The following PPP1R16B variants were observed in gnomAD, a reference collection of about 807,000 sequenced individuals.
PPP1R16B encodes the protein protein phosphatase 1 regulatory inhibitor subunit 16B.
A neutral mutation model predicts 61.7 loss-of-function variants in PPP1R16B; 14 were observed. The ratio of observed to expected loss-of-function variants is 0.23; its 90% confidence interval spans 0.15 to 0.35. The LOEUF (loss-of-function observed/expected upper bound fraction) is 0.35, where lower values mean the gene tolerates loss of function less well. PPP1R16B is among the 10% of genes least tolerant of loss of function. The probability of loss-of-function intolerance (pLI) is 1.00; values close to 1 mark genes in which losing one functional copy is unlikely to be tolerated. For missense variants in PPP1R16B, 547 were observed against 752.5 expected (o/e 0.73, Z 3.19); for synonymous variants, 266 against 305.3 (o/e 0.87, Z 1.34).
In PPP1R16B at chr20:38,907,564, G is replaced by C. The variant is rs2085454460; in HGVS notation, c.899-242G>C. ...ATCAAAGAGCAACATGAATCCCTCGGTCATAGCTGGGAAGCTTAGGAATTG... is the reference window on the plus strand; with the variant it reads ...ATCAAAGAGCAACATGAATCCCTCGCTCATAGCTGGGAAGCTTAGGAATTG... On this transcript the variant is annotated intron_variant, in intron 8 of 10. Coordinates refer to ENST00000299824, the MANE Select transcript of PPP1R16B (RefSeq NM_015568.4). The surrounding 1 kb of genome is among the most constrained non-coding windows in gnomAD (Gnocchi z 4.5). 6.6e-6 allele frequency among the ~76,000 whole-genome samples: 1 copy of C among 152,148 alleles called. No homozygotes were observed. Among genetic ancestry groups the C allele is most frequent in the Admixed American group, 6.5e-5 (1 of 15,270 alleles).
At chr20:38,872,082 G>A (rs547013820) in intron 2 of PPP1R16B, among the ~76,000 whole-genome samples, 82 of 152,202 alleles carry the variant, frequency 5.4e-4, no homozygotes, top group Non-Finnish European at 9.4e-4. Flanking sequence ...CCTGGACACC[G>A]TGGAGGGTGG....
At chr20:38,888,888 C>CAT (rs2085268200) in intron 2 of PPP1R16B, among the ~76,000 whole-genome samples, 1 of 146,244 alleles carries the variant, frequency 6.8e-6, no homozygotes, top group East Asian at 2.0e-4. Flanking sequence ...CACACACACA[C>CAT]ACACACACAC....
At chr20:38,866,307 G>A (rs1322425535) in intron 2 of PPP1R16B, among the ~76,000 whole-genome samples, 2 of 152,204 alleles carry the variant, frequency 1.3e-5, no homozygotes, top group South Asian at 4.1e-4. Flanking sequence ...GGAAGAAGGG[G>A]CACCTCTGGG....
chr20:38,879,969 C>T (rs944776723), intron 2 of PPP1R16B, among the ~76,000 whole-genome samples: 1 of 152,198 alleles, frequency 6.6e-6, no homozygotes, highest in African/African-American at 2.4e-5. Flanking sequence ...TGTGGCCCAG[C>T]CTGGGAATGC....
At chr20:38,869,269 G>A (rs749611348) in intron 2 of PPP1R16B, among the ~76,000 whole-genome samples, 2 of 151,414 alleles carry the variant, frequency 1.3e-5, no homozygotes, top group African/African-American at 4.9e-5. Context: ...AGTGATTCTC[G>A]TGCCTCAGCC....
At chr20:38,838,191 G>A (rs905893102) in intron 2 of PPP1R16B, 1 of 152,272 alleles carries the variant, frequency 6.6e-6, no homozygotes, top group African/African-American at 2.4e-5. Context: ...TGCTCATTGT[G>A]AGCCAAGGTC....
rs2084664744 is a variant in PPP1R16B, at chr20:38,806,755, A to T, written c.-102+963A>T. Among the ~76,000 whole-genome samples the T allele has an allele frequency of 6.6e-6, 1 of 151,976 alleles. No individual in the cohort carries two copies. The highest frequency in any genetic ancestry group is 2.1e-4 in the South Asian group (1 of 4,814). On this transcript the variant is annotated intron_variant, in intron 1 of 10. Transcript: ENST00000299824. This position sits in a 1 kb window ranked among gnomAD's most constrained non-coding sequence, Gnocchi z 4.5. ...GCCTCCAGCTTCACTGGAGATGCTG[A>T]TGATGCAGCTCCCAGCCCTTGGAGG... is the stretch of plus-strand genomic sequence containing the variant.
At position 38,907,901 on chromosome 20, in the gene PPP1R16B, T is replaced by C; in HGVS notation, c.994T>C (p.Leu332=). 1 of 1,614,226 alleles carries C rather than the reference T, an allele frequency of 6.2e-7. No homozygotes were observed. Among genetic ancestry groups the C allele is most frequent in the Non-Finnish European group, 8.5e-7 (1 of 1,180,034 alleles). Residue 332 remains leucine (L), a synonymous_variant, in exon 9 of 11, where the codon TTG becomes CTG. Coordinates refer to ENST00000299824, the MANE Select transcript of PPP1R16B (RefSeq NM_015568.4). The surrounding 1 kb of genome is among the most constrained non-coding windows in gnomAD (Gnocchi z 4.5). ...GTCACAGCTGAGGCACAAGTCATCC[T>C]TGAGCCGGAGGACCTCCAGCGCAGG... ...MKSQLRHKSS[L]SRRTSSAGSR... is the part of the protein sequence containing the mutation.
chr20:38,897,559 G>A (rs555121259), intron 4 of PPP1R16B, among the ~76,000 whole-genome samples: 4 of 152,318 alleles, frequency 2.6e-5, no homozygotes, highest in South Asian at 2.1e-4. Flanking sequence ...ATGCTGTGAC[G>A]AACATGAGTG....
intron 10 of PPP1R16B, among the ~76,000 whole-genome samples, chr20:38,912,675 T>TA (rs1013400497): frequency 8.8e-5 from 13 of 147,668 alleles, no homozygotes; most frequent in Middle Eastern, 3.5e-3. Context: ...GCGTGGTCTC[T>TA]AAAAAAAAAA....
intron 2 of PPP1R16B, among the ~76,000 whole-genome samples, chr20:38,849,945 G>A (rs1046761376): frequency 2.6e-5 from 4 of 152,096 alleles, no homozygotes; most frequent in South Asian, 2.1e-4. Flanking sequence ...TGAATGATAC[G>A]TTAGGACTTT....
chr20:38,834,762 C>G (rs2084858435), intron 1 of PPP1R16B, among the ~76,000 whole-genome samples: 1 of 151,250 alleles, frequency 6.6e-6, no homozygotes, highest in Non-Finnish European at 1.5e-5. Flanking sequence ...ACCATAAACC[C>G]ATGATATATT....
At chr20:38,808,740 G>T (rs914640556) in intron 1 of PPP1R16B, among the ~76,000 whole-genome samples, 2 of 152,168 alleles carry the variant, frequency 1.3e-5, no homozygotes, top group Non-Finnish European at 2.9e-5. Context: ...CATAGAAAGT[G>T]CTCAGTACTA....
intron 4 of PPP1R16B, among the ~76,000 whole-genome samples, chr20:38,898,323 C>G (rs868303968): frequency 6.6e-6 from 1 of 152,068 alleles, no homozygotes; most frequent in African/African-American, 2.4e-5. Context: ...TTTCTGGACT[C>G]TATTCTATTT....
intron 1 of PPP1R16B, among the ~76,000 whole-genome samples, chr20:38,831,372 G>A (rs1001822203): frequency 1.3e-5 from 2 of 152,248 alleles, no homozygotes; most frequent in Non-Finnish European, 2.9e-5. Flanking sequence ...ACCCAGGCCA[G>A]TGCCCTGTCT....
At chr20:38,826,757 C>A (rs1034097350) in intron 1 of PPP1R16B, among the ~76,000 whole-genome samples, 1 of 152,032 alleles carries the variant, frequency 6.6e-6, no homozygotes, top group East Asian at 1.9e-4. Flanking sequence ...GGCTCATGGG[C>A]CTTCATGGGG....
At chr20:38,854,424 A>G (rs2084989816) in intron 2 of PPP1R16B, among the ~76,000 whole-genome samples, 1 of 152,250 alleles carries the variant, frequency 6.6e-6, no homozygotes, top group Admixed American at 6.5e-5. Flanking sequence ...GTTGTAACAG[A>G]AACAGGAGTA....
At chr20:38,823,920 A>AT (rs547715853) in intron 1 of PPP1R16B, among the ~76,000 whole-genome samples, 1,968 of 147,864 alleles carry the variant, frequency 0.013, 45 homozygotes, top group African/African-American at 0.045. Flanking sequence ...CCTGTCTGAC[A>AT]TTTTTTTTTT....
At chr20:38,866,142 A>AAAAT (rs920462803) in intron 2 of PPP1R16B, among the ~76,000 whole-genome samples, 5 of 152,240 alleles carry the variant, frequency 3.3e-5, no homozygotes, top group East Asian at 1.9e-4. Context: ...AAAAAAATTA[A>AAAAT]AAATAAATAA....
Sources: gnomAD v4.1 joint callset for allele counts (sites outside exome capture counted in the v4.1 genomes callset) on GRCh38, gnomAD v4.1.1 for gene constraint, Gnocchi (gnomAD v3.1) non-coding constraint, MANE v1.5 for transcripts, NCBI Gene and HGNC (gene_info 2026-07-23, HGNC 2026-07-21) for gene names.